Variants in STON2 observed in about 807,000 individuals in gnomAD.
STON2 encodes the protein stonin 2.
A neutral mutation model predicts 65.7 loss-of-function variants in STON2; 29 were observed. That is an observed-to-expected ratio of 0.44 (90% CI 0.33 to 0.60). STON2 has a LOEUF of 0.60. STON2 is among the 20% of genes least tolerant of loss of function. The pLI is 0.03. For synonymous variants in STON2, 404 were observed against 414.2 expected (o/e 0.98, Z 0.30); for missense variants, 1,054 against 1,118.1 (o/e 0.94, Z 0.82).
At chr14:81,339,409 G>A (rs1459396588) in intron 4 of STON2, among the ~76,000 whole-genome samples, 1 of 152,162 alleles carries the variant, frequency 6.6e-6, no homozygotes, top group Non-Finnish European at 1.5e-5. Context: ...AACCTGGCAC[G>A]CAAGGTGGAT....
chr14:81,381,391 A>G (rs1899505774), intron 3 of STON2, among the ~76,000 whole-genome samples: 1 of 152,232 alleles, frequency 6.6e-6, no homozygotes, highest in Admixed American at 6.5e-5. Context: ...CATAAGGAGA[A>G]TGAAAAGACC....
intron 4 of STON2, among the ~76,000 whole-genome samples, chr14:81,334,189 C>T (rs1004857838): frequency 6.6e-6 from 1 of 152,168 alleles, no homozygotes; most frequent in African/African-American, 2.4e-5. Flanking sequence ...TCCAGGGCAC[C>T]AGTAATTGCC....
chr14:81,413,314 C>G, intron 2 of STON2: 1 of 1,241,324 alleles, frequency 8.1e-7, no homozygotes, highest in Non-Finnish European at 1.1e-6. Context: ...ATACCAGAGA[C>G]TGAAATTTTC....
intron 3 of STON2, among the ~76,000 whole-genome samples, chr14:81,372,565 A>G (rs3742548): frequency 1.3e-3 from 142 of 111,492 alleles, no homozygotes; most frequent in Admixed American, 9.3e-3. Flanking sequence ...AAAAAAAAAA[A>G]AAGAAGAAGA....
At chr14:81,403,554 C>T (rs1009155287), upstream of STON2, among the ~76,000 whole-genome samples, 1 of 151,932 alleles carries the variant, frequency 6.6e-6, no homozygotes, top group Admixed American at 6.6e-5. Flanking sequence ...GGCATGCGAA[C>T]AATGGAAACT....
At chr14:81,372,747 T>C (rs1410775387) in intron 3 of STON2, among the ~76,000 whole-genome samples, 1 of 152,152 alleles carries the variant, frequency 6.6e-6, no homozygotes, top group Non-Finnish European at 1.5e-5. Context: ...AGATAGGCAG[T>C]AGTCTTATTT....
At chr14:81,381,195 G>C (rs565989744) in intron 3 of STON2, among the ~76,000 whole-genome samples, 5 of 152,228 alleles carry the variant, frequency 3.3e-5, no homozygotes, top group African/African-American at 1.2e-4. Flanking sequence ...ATCAATTCTA[G>C]CTAGATTGAA....
intron 3 of STON2, 131 bp from the exon 4 acceptor site, chr14:81,371,316 T>C: frequency 1.3e-6 from 1 of 799,732 alleles, no homozygotes; most frequent in Non-Finnish European, 2.0e-6. Context: ...AAGGAAGTCT[T>C]GTATGGAGAG....
intron 5 of STON2, among the ~76,000 whole-genome samples, chr14:81,308,213 T>C (rs1243283398): frequency 1.3e-5 from 2 of 152,110 alleles, no homozygotes; most frequent in East Asian, 1.9e-4. Flanking sequence ...ATTATTATTA[T>C]TTATTTTTTT....
intron 3 of STON2, among the ~76,000 whole-genome samples, chr14:81,391,648 T>C (rs1900084417): frequency 6.6e-6 from 1 of 152,240 alleles, no homozygotes; most frequent in Non-Finnish European, 1.5e-5. Context: ...AGTTGGGTAT[T>C]GGCAGAAAAT....
At chr14:81,318,046 A>G (rs1225449379) in intron 5 of STON2, among the ~76,000 whole-genome samples, 2 of 151,984 alleles carry the variant, frequency 1.3e-5, no homozygotes, top group African/African-American at 4.8e-5. Context: ...GCTCACTGCA[A>G]CCTTCACCTC....
intron 2 of STON2, among the ~76,000 whole-genome samples, chr14:81,413,728 G>A (rs1216341239): frequency 7.2e-6 from 1 of 139,254 alleles, no homozygotes; most frequent in African/African-American, 3.0e-5. Context: ...CCCGGGAGGT[G>A]GAGGTTGCAG....
At chr14:81,288,838 T>C (rs114014276) in intron 5 of STON2, among the ~76,000 whole-genome samples, 2,014 of 151,690 alleles carry the variant, frequency 0.013, 75 homozygotes, top group African/African-American at 0.048. Flanking sequence ...GGGGTCTCCA[T>C]TCTTACTGAT....
rs1894277864 is a variant in STON2, at chr14:81,264,372, GTTAA to G, written c.*4038_*4041del. Reference sequence around the variant, plus strand: ...TATGAGTATTTGATGATAAGTAAGGGTTAAGTAGCCTTCGAGTCTCAGGGTCAGT... The same window carrying G: ...TATGAGTATTTGATGATAAGTAAGGGGTAGCCTTCGAGTCTCAGGGTCAGT... On this transcript the variant is annotated 3_prime_UTR_variant, in exon 8 of 8. Coordinates refer to ENST00000614646, the MANE Select transcript of STON2 (RefSeq NM_001394390.1). 20 of 985,252 alleles carry G rather than the reference GTTAA, an allele frequency of 2.0e-5. No homozygotes were observed. Among genetic ancestry groups the G allele is most frequent in the Non-Finnish European group, 2.2e-5 (18 of 829,786 alleles). The allele number at this position is 985,252 out of a possible 1,614,324, so 61.0% of individuals were successfully genotyped here.
At chr14:81,275,811 G>A (rs1264184095) in intron 6 of STON2, among the ~76,000 whole-genome samples, 1 of 152,112 alleles carries the variant, frequency 6.6e-6, no homozygotes, top group African/African-American at 2.4e-5. Flanking sequence ...CCGTCACATT[G>A]CATTACACTT....
chr14:81,433,121 G>C (rs1902282289), intron 1 of STON2, among the ~76,000 whole-genome samples: 1 of 152,196 alleles, frequency 6.6e-6, no homozygotes, highest in South Asian at 2.1e-4. Flanking sequence ...GAGATCCACT[G>C]CTTCAGGTGA....
intron 7 of STON2, chr14:81,270,144 G>T: frequency 2.9e-6 from 2 of 691,794 alleles, no homozygotes; most frequent in Non-Finnish European, 1.8e-6. Context: ...CTGGAGTACA[G>T]TGGTGCAATC....
At chr14:81,399,758 C>T (rs1900509016) in intron 1 of STON2, among the ~76,000 whole-genome samples, 1 of 152,118 alleles carries the variant, frequency 6.6e-6, no homozygotes, top group South Asian at 2.1e-4. Context: ...GAAATTTGGG[C>T]TGAGAAAAAT....
At chr14:81,269,989 T>C (rs1227905357) in intron 7 of STON2, 2 of 985,280 alleles carry the variant, frequency 2.0e-6, no homozygotes, top group Admixed American at 6.1e-5. Flanking sequence ...AACTGAAGCA[T>C]ATGCTTTGGG....
Sources: gnomAD v4.1 joint callset for allele counts (sites outside exome capture counted in the v4.1 genomes callset) on GRCh38, gnomAD v4.1.1 for gene constraint, MANE v1.5 for transcripts, NCBI Gene and HGNC (gene_info 2026-07-23, HGNC 2026-07-21) for gene names.